ARHGEF4: variants seen among roughly 807,000 people sequenced by gnomAD.
ARHGEF4 encodes the protein Rho guanine nucleotide exchange factor 4, also known as APC-stimulated guanine nucleotide exchange factor 1.
ARHGEF4 carries 119 observed loss-of-function variants against 162.0 expected under a neutral mutation model. The ratio of observed to expected loss-of-function variants is 0.73; its 90% CI spans 0.63 to 0.86. ARHGEF4 has a LOEUF of 0.86. ARHGEF4 is among the 40% of genes least tolerant of loss of function. The pLI, the probability that ARHGEF4 is intolerant of heterozygous loss-of-function variation, is 0.00. For missense variants in ARHGEF4, 2,488 were observed against 2,456.0 expected (o/e 1.01, Z -0.28); for synonymous variants, 1,014 against 979.9 (o/e 1.03, Z -0.65).
At chr2:131,041,570 C>T (rs1690812438) in intron 9 of ARHGEF4, 108 bp downstream of exon 9, 2 of 1,242,526 alleles carry the variant, frequency 1.6e-6, no homozygotes, top group Non-Finnish European at 2.2e-6. Context: ...TGGGGCAACA[C>T]ACAGAAAACT....
At chr2:130,996,081 G>T (rs927858267) in intron 4 of ARHGEF4, among the ~76,000 whole-genome samples, 8 of 151,954 alleles carry the variant, frequency 5.3e-5, no homozygotes, top group Non-Finnish European at 1.5e-5. Flanking sequence ...GTAGAGACGG[G>T]GTTTCACCAT....
Position 131,044,556 on chromosome 2 carries a change from C to T in ARHGEF4, c.5401+14C>T. ...ACCAGGAGACAGGTTCGAGACCCTGCTGGGCCTTGCCCCGCCCCCAGGGCC... is the reference window on the plus strand; with the variant it reads ...ACCAGGAGACAGGTTCGAGACCCTGTTGGGCCTTGCCCCGCCCCCAGGGCC... On this transcript the variant is annotated intron_variant, in intron 12 of 13. Transcript: ENST00000409359. 6.5e-7 allele frequency: 1 copy of T among 1,545,756 alleles called. No individual in the cohort carries two copies. Among genetic ancestry groups the T allele is most frequent in the Non-Finnish European group, 8.7e-7 (1 of 1,143,764 alleles).
intron 1 of ARHGEF4, among the ~76,000 whole-genome samples, chr2:130,900,404 T>C (rs1163870896): frequency 6.6e-6 from 1 of 152,176 alleles, no homozygotes; most frequent in Non-Finnish European, 1.5e-5. Flanking sequence ...TATACATATT[T>C]TAAGGTTGTT....
At chr2:130,920,488 C>G (rs1681807060) in intron 2 of ARHGEF4, among the ~76,000 whole-genome samples, 1 of 152,132 alleles carries the variant, frequency 6.6e-6, no homozygotes, top group African/African-American at 2.4e-5. Context: ...CGCCATCAGA[C>G]CACAGACAGG....
At chr2:130,993,730 GT>G (rs1228971089) in intron 4 of ARHGEF4, among the ~76,000 whole-genome samples, 1 of 151,998 alleles carries the variant, frequency 6.6e-6, no homozygotes, top group Non-Finnish European at 1.5e-5. Context: ...TTCTAGCTTT[GT>G]TTTGGCTAGA....
chr2:130,969,533 A>C (rs1358814467), intron 4 of ARHGEF4, among the ~76,000 whole-genome samples: 1 of 151,842 alleles, frequency 6.6e-6, no homozygotes, highest in Non-Finnish European at 1.5e-5. Context: ...CGGGAGGTGG[A>C]GCTTGCAGTG....
intron 4 of ARHGEF4, among the ~76,000 whole-genome samples, chr2:130,972,677 A>G (rs1685440977): frequency 6.6e-6 from 1 of 152,242 alleles, no homozygotes; most frequent in Non-Finnish European, 1.5e-5. Flanking sequence ...AGAACAAAAC[A>G]AAAACCTATC....
intron 1 of ARHGEF4, among the ~76,000 whole-genome samples, chr2:130,894,021 G>C (rs576401503): frequency 6.6e-6 from 1 of 152,226 alleles, no homozygotes; most frequent in Admixed American, 6.5e-5. Flanking sequence ...TGGGCCAGCC[G>C]TCGCCCTGAT....
In ARHGEF4 at chr2:130,920,349, G is replaced by A. The variant is rs563954435; in HGVS notation, c.3552+2851G>A. 8.5e-5 allele frequency among the ~76,000 whole-genome samples: 13 copies of A among 152,302 alleles called. No homozygotes were observed. The East Asian group carries it at 2.5e-3, about 29-fold the overall frequency. ...GAGTCTGCATGGGTTTTAACAAATA[G>A]TAAGTGAGATGATGATTATAAAGTA... is the stretch of plus-strand genomic sequence containing the variant. On this transcript the variant is annotated intron_variant, in intron 2 of 13. Coordinates refer to ENST00000409359, the MANE Select transcript of ARHGEF4 (RefSeq NM_001367493.1).
chr2:130,959,767 C>A (rs2105185292), intron 4 of ARHGEF4, among the ~76,000 whole-genome samples: 1 of 152,322 alleles, frequency 6.6e-6, no homozygotes, highest in South Asian at 2.1e-4. Context: ...AGAGACAGAA[C>A]TGAACCCAGG....
chr2:130,946,697 C>T (rs189790939), intron 4 of ARHGEF4, 62 bp downstream of exon 4: 1 of 1,604,922 alleles, frequency 6.2e-7, no homozygotes, highest in Non-Finnish European at 8.5e-7. Context: ...GGACAAGAAG[C>T]TAGTGCTGTT....
intron 4 of ARHGEF4, among the ~76,000 whole-genome samples, chr2:130,991,771 G>A (rs1269971858): frequency 1.3e-5 from 2 of 152,210 alleles, no homozygotes; most frequent in African/African-American, 2.4e-5. Flanking sequence ...CCAGATGAGC[G>A]CCACCCCGTG....
chr2:130,915,833 C>A lies in ARHGEF4; in HGVS notation c.1887C>A (p.Gly629=), dbSNP rs1044521285. ...KAGGEASRGR[G]ALIIVAVEQK... Reference sequence around the variant, plus strand: ...GCGGCGAGGCCTCGAGGGGCAGGGGCGCCCTCATCATTGTAGCTGTGGAGC... The same window carrying A: ...GCGGCGAGGCCTCGAGGGGCAGGGGAGCCCTCATCATTGTAGCTGTGGAGC... The change falls in exon 2 of 14, where the codon GGC becomes GGA. Residue 629 remains glycine, a synonymous_variant. Transcript: ENST00000409359. The A allele has an allele frequency of 1.3e-6, 2 of 1,532,440 alleles. No homozygotes were observed. The highest frequency in any genetic ancestry group is 1.8e-6 in the Non-Finnish European group (2 of 1,138,114). The allele number at this position is 1,532,440 out of a possible 1,614,324, so 94.9% of individuals were successfully genotyped here.
At chr2:130,974,302 T>G (rs1685554774) in intron 4 of ARHGEF4, among the ~76,000 whole-genome samples, 1 of 151,596 alleles carries the variant, frequency 6.6e-6, no homozygotes. Context: ...AAACATGGGC[T>G]ATCAAGAACA....
chr2:131,040,074 G>A lies in ARHGEF4; in HGVS notation c.4364G>A (p.Gly1455Glu), dbSNP rs201247468. ...GACGCCCCTCTGGCCGGGAACAGCG[G>A]AGCGGAGGACGGCGGGGCGGAGGCG... is the stretch of plus-strand genomic sequence containing the variant. ...DDDAPLAGNSGAEDGGAEAQS... is the reference protein window; with the variant it reads ...DDDAPLAGNSEAEDGGAEAQS... The change falls in exon 7 of 14, where the codon GGA (glycine) becomes GAA (glutamate). Residue 1455 changes from glycine (G) to glutamate (E), a missense_variant. By Grantham distance (98) the Gly-to-Glu change is moderately conservative. Transcript: ENST00000409359. 1.2e-4 allele frequency: 194 copies of A among 1,601,672 alleles called. 2 individuals are homozygous for A. The highest frequency in any genetic ancestry group is 7.5e-4 in the East Asian group (33 of 43,900).
intron 5 of ARHGEF4, among the ~76,000 whole-genome samples, chr2:131,029,589 C>A (rs927556798): frequency 1.4e-5 from 2 of 147,264 alleles, no homozygotes; most frequent in South Asian, 2.1e-4. Flanking sequence ...TCACTCTTGT[C>A]GCCCAGGCTG....
chr2:130,916,097 G>A lies in ARHGEF4; in HGVS notation c.2151G>A (p.Leu717=), dbSNP rs567610415. Residue 717 remains leucine (L), a synonymous_variant, in exon 2 of 14, where the codon CTG becomes CTA. Transcript: ENST00000409359. ...VAQAAELGRV[L]VPQAASEETP... ...AGGCCGCAGAGCTTGGGAGAGTGCTGGTCCCCCAAGCTGCTTCGGAAGAGA... is the reference window on the plus strand; with the variant it reads ...AGGCCGCAGAGCTTGGGAGAGTGCTAGTCCCCCAAGCTGCTTCGGAAGAGA... The A allele has an allele frequency of 6.5e-6, 10 of 1,550,132 alleles. No individual in the cohort carries two copies. The highest frequency in any genetic ancestry group is 8.7e-6 in the Non-Finnish European group (10 of 1,146,928).
At chr2:131,029,791 T>C (rs1280878352) in intron 5 of ARHGEF4, among the ~76,000 whole-genome samples, 2 of 152,184 alleles carry the variant, frequency 1.3e-5, no homozygotes, top group Non-Finnish European at 2.9e-5. Flanking sequence ...TGAACTCAGG[T>C]GATCTGCCCG....
chr2:130,948,206 C>T (rs981808625), intron 4 of ARHGEF4, among the ~76,000 whole-genome samples: 1 of 152,238 alleles, frequency 6.6e-6, no homozygotes. Context: ...TGACTCAGCA[C>T]ATTCGAGGTG....
Sources: gnomAD v4.1 joint callset for allele counts (sites outside exome capture counted in the v4.1 genomes callset) on GRCh38, gnomAD v4.1.1 for gene constraint, MANE v1.5 for transcripts, NCBI Gene and HGNC (gene_info 2026-07-23, HGNC 2026-07-21) for gene names.